The following DLGAP2 variants were observed in gnomAD, a reference collection of about 807,000 sequenced individuals.
DLGAP2 encodes the protein disks large-associated protein 2.
A neutral mutation model predicts 100.3 loss-of-function variants in DLGAP2; 26 were observed. That is an observed-to-expected ratio of 0.26 (90% CI 0.19 to 0.36). The LOEUF (loss-of-function observed/expected upper bound fraction) is 0.36, where lower values mean the gene tolerates loss of function less well. DLGAP2 is among the 10% of genes least tolerant of loss of function. The pLI is 1.00. For missense variants in DLGAP2, 1,858 were observed against 1,453.2 expected (o/e 1.28, Z -4.53); for synonymous variants, 886 against 630.1 (o/e 1.41, Z -6.08).
At chr8:1,436,506 T>C (rs937997287) in intron 3 of DLGAP2, among the ~76,000 whole-genome samples, 4 of 152,182 alleles carry the variant, frequency 2.6e-5, no homozygotes, top group Non-Finnish European at 5.9e-5. Flanking sequence ...TAATCTCCTT[T>C]GGAAACACCC....
chr8:1,537,315 G>T (rs568240913), intron 4 of DLGAP2, among the ~76,000 whole-genome samples: 8 of 152,312 alleles, frequency 5.3e-5, no homozygotes, highest in Admixed American at 3.3e-4. Flanking sequence ...GTGTGTGCCT[G>T]TGTGTGTGGT....
chr8:1,136,184 A>G (rs116738980), intron 2 of DLGAP2, among the ~76,000 whole-genome samples: 3,476 of 152,244 alleles, frequency 0.023, 149 homozygotes, highest in African/African-American at 0.079. Flanking sequence ...GGGGCGGGAC[A>G]CCTGCCTTTG....
chr8:984,514 C>G (rs2129015140), intron 2 of DLGAP2, among the ~76,000 whole-genome samples: 1 of 152,314 alleles, frequency 6.6e-6, no homozygotes, highest in South Asian at 2.1e-4. Context: ...GGCCCACGCT[C>G]CTGGCCACAG....
At chr8:1,242,045 A>T (rs1201868784) in intron 2 of DLGAP2, among the ~76,000 whole-genome samples, 1 of 152,222 alleles carries the variant, frequency 6.6e-6, no homozygotes, top group Non-Finnish European at 1.5e-5. Flanking sequence ...TGATTGGCGT[A>T]TATTCCAGTA....
chr8:1,494,043 G>A (rs938992212), intron 3 of DLGAP2, among the ~76,000 whole-genome samples: 2 of 149,682 alleles, frequency 1.3e-5, no homozygotes, highest in African/African-American at 2.5e-5. Flanking sequence ...ATTCTGCATC[G>A]GGGGGGGCAG....
At chr8:926,200 G>A (rs1273263523) in intron 2 of DLGAP2, among the ~76,000 whole-genome samples, 2 of 152,106 alleles carry the variant, frequency 1.3e-5, no homozygotes, top group Admixed American at 6.5e-5. Flanking sequence ...CAGAGCCCAC[G>A]CCCACCACTC....
intron 2 of DLGAP2, among the ~76,000 whole-genome samples, chr8:1,200,474 C>T (rs1049706365): frequency 2.6e-5 from 4 of 152,148 alleles, no homozygotes; most frequent in African/African-American, 7.2e-5. Flanking sequence ...CCTCATAAAC[C>T]ATCCATCTGG....
intron 3 of DLGAP2, among the ~76,000 whole-genome samples, chr8:1,364,727 G>GAACTCA (rs532234945): frequency 6.7e-4 from 102 of 152,332 alleles, no homozygotes; most frequent in Middle Eastern, 6.8e-3. Flanking sequence ...AGACAGGCCC[G>GAACTCA]AACTCAGCCA....
At chr8:825,459 G>T (rs1339930033) in intron 1 of DLGAP2, among the ~76,000 whole-genome samples, 1 of 152,180 alleles carries the variant, frequency 6.6e-6, no homozygotes, top group African/African-American at 2.4e-5. Context: ...AGCGGTGAGT[G>T]CCAGGCAGTC....
In DLGAP2 at chr8:799,093, C is replaced by T. The variant is rs184478555; in HGVS notation, c.18+61268C>T. On this transcript the variant is annotated intron_variant, in intron 1 of 14. Transcript: ENST00000637795. The stretch of plus-strand genomic sequence containing the variant: ...CCCTCCCTCACTGCCTCTCACCCCA[C>T]ATGCTCACACCAGCTGTGACTTCTT... 3.0e-4 allele frequency among the ~76,000 whole-genome samples: 46 copies of T among 152,368 alleles called. 1 individual carries two copies. Among genetic ancestry groups the T allele is most frequent in the Admixed American group, 2.2e-3 (34 of 15,302 alleles).
chr8:1,447,297 G>T (rs916507778), intron 3 of DLGAP2, among the ~76,000 whole-genome samples: 1 of 152,170 alleles, frequency 6.6e-6, no homozygotes, highest in Non-Finnish European at 1.5e-5. Flanking sequence ...TTAGCATGAA[G>T]GTTGTTGAAT....
chr8:995,628 T>C lies in DLGAP2; in HGVS notation c.73+87662T>C, dbSNP rs537491052. On this transcript the variant is annotated intron_variant, in intron 2 of 14. Coordinates refer to ENST00000637795, the MANE Select transcript of DLGAP2 (RefSeq NM_001346810.2). ...CCCCTGTCCCCCTTAGGAAGTGGCA[T>C]GCACATATTTCTATTCAAGATCTAA... is the stretch of plus-strand genomic sequence containing the variant. Among the ~76,000 whole-genome samples, 3 of 152,336 alleles carry C rather than the reference T, an allele frequency of 2.0e-5. No individual in the cohort carries two copies. In the East Asian group the frequency reaches 5.8e-4, roughly 29 times the overall value.
intron 2 of DLGAP2, among the ~76,000 whole-genome samples, chr8:1,236,057 A>G (rs566522358): frequency 0.059 from 3,479 of 58,576 alleles, 571 homozygotes; most frequent in African/African-American, 0.22. Context: ...CTCACATGGC[A>G]CCGTGTCTAG....
intron 3 of DLGAP2, among the ~76,000 whole-genome samples, chr8:1,293,719 A>G (rs966955763): frequency 1.3e-5 from 2 of 152,188 alleles, no homozygotes. Flanking sequence ...CCCATTCTTT[A>G]TAATACAAAC....
At chr8:1,252,502 G>A (rs996882726) in intron 2 of DLGAP2, among the ~76,000 whole-genome samples, 3 of 152,166 alleles carry the variant, frequency 2.0e-5, no homozygotes, top group South Asian at 2.1e-4. Flanking sequence ...TCACAGTCAC[G>A]TCATCACCAT....
intron 2 of DLGAP2, among the ~76,000 whole-genome samples, chr8:1,070,933 A>G (rs888201737): frequency 6.6e-6 from 1 of 152,200 alleles, no homozygotes; most frequent in African/African-American, 2.4e-5. Context: ...GGCAGAGGGG[A>G]AGCCCCTGGA....
At chr8:843,820 A>G (rs1031198273) in intron 1 of DLGAP2, among the ~76,000 whole-genome samples, 1 of 152,242 alleles carries the variant, frequency 6.6e-6, no homozygotes, top group African/African-American at 2.4e-5. Context: ...TGTCCTCGCT[A>G]CATGATATCT....
intron 7 of DLGAP2, among the ~76,000 whole-genome samples, chr8:1,630,688 C>T (rs1415750429): frequency 1.3e-5 from 2 of 149,922 alleles, no homozygotes; most frequent in East Asian, 4.0e-4. Context: ...GGCGACAGAG[C>T]GAGACTCCAT....
chr8:1,276,097 A>G (rs971341405), intron 3 of DLGAP2, among the ~76,000 whole-genome samples: 3 of 141,608 alleles, frequency 2.1e-5, no homozygotes, highest in African/African-American at 8.0e-5. Context: ...TGTGTATATA[A>G]TATATAAATA....
Sources: gnomAD v4.1 joint callset for allele counts (sites outside exome capture counted in the v4.1 genomes callset) on GRCh38, gnomAD v4.1.1 for gene constraint, MANE v1.5 for transcripts, NCBI Gene and HGNC (gene_info 2026-07-23, HGNC 2026-07-21) for gene names.